PRAM1: variants seen among roughly 807,000 people sequenced by gnomAD.
The protein encoded by PRAM1 is PML-RARA regulated adaptor molecule 1, also known as PML-RARA-regulated adapter molecule 1.
Under a neutral mutation model 55.3 loss-of-function variants are expected in PRAM1, and 41 were observed. The observed-to-expected ratio is 0.74, with a 90% confidence interval of 0.58 to 0.96. The LOEUF (loss-of-function observed/expected upper bound fraction) is 0.96. Among genes scored for constraint, PRAM1 ranks in the 40% least tolerant of loss-of-function variants. The probability of loss-of-function intolerance (pLI) is 0.00; values close to 1 mark genes in which losing one functional copy is unlikely to be tolerated. For synonymous variants in PRAM1, 401 were observed against 387.1 expected (o/e 1.04, Z -0.42); for missense variants, 898 against 892.7 (o/e 1.01, Z -0.08).
At position 8,502,568 on chromosome 19, in the gene PRAM1, G is replaced by A. The variant is rs1216031449; in HGVS notation, c.24C>T (p.Ala8=). 1 of 1,530,550 alleles carries A rather than the reference G, an allele frequency of 6.5e-7. No individual in the cohort carries two copies. Among genetic ancestry groups the A allele is most frequent in the South Asian group, 1.2e-5 (1 of 83,724 alleles). 94.8% of individuals were successfully genotyped at this position (1,530,550 alleles called of 1,614,324 possible). The stretch of plus-strand genomic sequence containing the variant: ...ACAGGCCTCTTCCAGCACTCACCAT[G>A]GCTGCAGGCAGGTGATGGGCCATGG... MAHHLPA[A]MESHQDFRSI... Residue 8 remains alanine (A), a synonymous_variant, in exon 1 of 10, where the codon GCC becomes GCT. Transcript: ENST00000423345.
intron 4 of PRAM1, chr19:8,491,677 T>C (rs1410228000): frequency 1.1e-5 from 2 of 179,484 alleles, no homozygotes; most frequent in Non-Finnish European, 1.2e-5. Context: ...TTGCCTTCCA[T>C]TCCCTTAACT....
chr19:8,498,182 C>A (rs1411427142), intron 3 of PRAM1, 41 bp downstream of exon 3: 3 of 1,592,350 alleles, frequency 1.9e-6, no homozygotes, highest in South Asian at 2.3e-5. Flanking sequence ...CTCTTTGAGC[C>A]CCACAATCCG....
intron 4 of PRAM1, chr19:8,491,832 T>C (rs938030958): frequency 2.0e-5 from 3 of 153,076 alleles, no homozygotes; most frequent in Admixed American, 2.0e-4. Flanking sequence ...TCAAGCAAAC[T>C]GCCCAAGGTC....
chr19:8,491,189 G>T, intron 4 of PRAM1, 32 bp from the exon 5 acceptor site: 1 of 1,599,062 alleles, frequency 6.3e-7, no homozygotes. Flanking sequence ...AGTCAAGGCA[G>T]GGCCCGCCGG....
intron 4 of PRAM1, among the ~76,000 whole-genome samples, chr19:8,495,621 C>T (rs1010270013): frequency 6.6e-6 from 1 of 152,162 alleles, no homozygotes; most frequent in African/African-American, 2.4e-5. Context: ...GATTTAGGGA[C>T]AGGCAGGCAA....
At chr19:8,496,728 C>CA (rs1376940901) in intron 4 of PRAM1, among the ~76,000 whole-genome samples, 1 of 151,096 alleles carries the variant, frequency 6.6e-6, no homozygotes, top group Non-Finnish European at 1.5e-5. Flanking sequence ...CCATCTCAAA[C>CA]AAAAAAACGA....
intron 4 of PRAM1, among the ~76,000 whole-genome samples, chr19:8,496,561 C>G (rs1005212970): frequency 6.6e-6 from 1 of 151,686 alleles, no homozygotes; most frequent in African/African-American, 2.4e-5. Flanking sequence ...CCCATATCTA[C>G]TAAAAATACA....
intron 3 of PRAM1, 30 bp from the exon 4 acceptor site, chr19:8,497,870 CTTTTTTTTTTTT>C (rs58671333): frequency 1.3e-4 from 45 of 359,064 alleles, no homozygotes; most frequent in South Asian, 3.2e-4. Flanking sequence ...GAGGCCTCTT[CTTTTTTTTTTTT>C]TTTTTTTTTT....
chr19:8,493,497 G>T lies in PRAM1; in HGVS notation c.1577-2340C>A, dbSNP rs146609534. ...CCACATTAGAGCACCTCTTGGCACC[G>T]CCATGCAGGCAGCCCTGGTTCATCC... is the stretch of plus-strand genomic sequence containing the variant. On this transcript the variant is annotated intron_variant, in intron 4 of 9. Transcript: ENST00000423345. This position sits in a 1 kb window ranked among gnomAD's most constrained non-coding sequence, Gnocchi z 4.1. 6.6e-6 allele frequency among the ~76,000 whole-genome samples: 1 copy of T among 152,158 alleles called. No individual in the cohort carries two copies. The highest frequency in any genetic ancestry group is 1.5e-5 in the Non-Finnish European group (1 of 68,034).
intron 1 of PRAM1, among the ~76,000 whole-genome samples, chr19:8,501,346 C>T (rs1568319027): frequency 6.6e-6 from 1 of 151,710 alleles, no homozygotes; most frequent in African/African-American, 2.4e-5. Context: ...CCACCCACCT[C>T]GGCCTCCCAA....
rs757294384 is a variant in PRAM1 at position 8,491,119 on chromosome 19, G to A, written c.1615C>T (p.Pro539Ser). The change falls in exon 5 of 10, where the codon CCA (proline) becomes TCA (serine). Residue 539 changes from proline to serine, a missense_variant. Coordinates refer to ENST00000423345, the MANE Select transcript of PRAM1 (RefSeq NM_032152.5). The part of the protein sequence containing the change: ...PSVQQAARRP[P>S]QDPALRKEKD... ...TGGCACCTGAGCGCTGGGTCTTGTG[G>A]TGGCCTCCTGGCGGCTTGCTGAACT... 20 of 1,611,964 alleles carry A rather than the reference G, an allele frequency of 1.2e-5. No homozygotes were observed. Among genetic ancestry groups the A allele is most frequent in the Non-Finnish European group, 1.4e-5 (17 of 1,179,848 alleles).
rs377365919 is a variant in PRAM1, at chr19:8,499,268, G to A, written c.540C>T (p.Pro180=). ...PDELSHPARP[P]SEPKSGAFPR... is the part of the protein sequence containing the mutation. ...GGAATGCGCCGGATTTGGGTTCGGA[G>A]GGGGGTCTGGCGGGGTGACTGAGTT... Residue 180 remains proline (P), a synonymous_variant, in exon 2 of 10, where the codon CCC becomes CCT. Coordinates refer to ENST00000423345, the MANE Select transcript of PRAM1 (RefSeq NM_032152.5). The A allele has an allele frequency of 6.2e-7, 1 of 1,610,114 alleles. No individual in the cohort carries two copies. Among genetic ancestry groups the A allele is most frequent in the Non-Finnish European group, 8.5e-7 (1 of 1,177,708 alleles).
chr19:8,490,338 C>T lies in PRAM1; in HGVS notation c.1975G>A (p.Asp659Asn), dbSNP rs769853806. ...CAGCCCTCCCAGAGTGTCCACGTACCGCAGAAGTCGACATCATCGTACACC... is the reference window on the plus strand; with the variant it reads ...CAGCCCTCCCAGAGTGTCCACGTACTGCAGAAGTCGACATCATCGTACACC... ...TEVYDDVDFC[D>N]PLENQPLPLG... Residue 659 changes from aspartate (D) to asparagine (N), a missense_variant and splice_region_variant, in exon 9 of 10, where the codon GAT becomes AAT. This residue lies in a region of PRAM1 where 787 missense variants were observed against 735.4 expected (regional missense o/e 1.07). Transcript: ENST00000423345. This position sits in a 1 kb window ranked among gnomAD's most constrained non-coding sequence, Gnocchi z 7.3. 3.7e-5 allele frequency: 59 copies of T among 1,613,864 alleles called. No homozygotes were observed. Among genetic ancestry groups the T allele is most frequent in the South Asian group, 2.4e-4 (22 of 91,088 alleles).
At chr19:8,494,119 A>C (rs1971665568) in intron 4 of PRAM1, among the ~76,000 whole-genome samples, 1 of 152,100 alleles carries the variant, frequency 6.6e-6, no homozygotes. Context: ...TTTTCCTATC[A>C]GAACCTCAAA....
chr19:8,499,021 T>C lies in PRAM1; in HGVS notation c.787A>G (p.Lys263Glu). ...TTGGGAAAGGCGCTGGAGTCGCGCT[T>C]CGGCTCGCTGGACTGAGGCTTCCAG... ...PLWKPQSSEPKRDSSAFPKKA... is the reference protein window; with the variant it reads ...PLWKPQSSEPERDSSAFPKKA... Residue 263 changes from lysine to glutamate, a missense_variant, in exon 2 of 10, where the codon AAG becomes GAG. Lys to Glu is a moderately conservative substitution (Grantham distance 56). This residue lies in a region of PRAM1 where 787 missense variants were observed against 735.4 expected (regional missense o/e 1.07). Transcript: ENST00000423345. The C allele has an allele frequency of 6.2e-7, 1 of 1,613,370 alleles. No individual in the cohort carries two copies. Among genetic ancestry groups the C allele is most frequent in the Non-Finnish European group, 8.5e-7 (1 of 1,179,754 alleles).
rs969046928 is a variant in PRAM1 at position 8,493,584 on chromosome 19, A to T, written c.1577-2427T>A. On this transcript the variant is annotated intron_variant, in intron 4 of 9. Transcript: ENST00000423345. The surrounding 1 kb of genome is among the most constrained non-coding windows in gnomAD (Gnocchi z 4.1). Reference sequence around the variant, plus strand: ...CGCATGGCCAGCTCAGATCCCTGGGAAAGGCTGGGCTCTCCCCACCTGCAG... The same window carrying T: ...CGCATGGCCAGCTCAGATCCCTGGGTAAGGCTGGGCTCTCCCCACCTGCAG... Among the ~76,000 whole-genome samples the T allele has an allele frequency of 6.6e-6, 1 of 151,064 alleles. No homozygotes were observed. The highest frequency in any genetic ancestry group is 2.5e-5 in the African/African-American group (1 of 40,388).
chr19:8,491,431 C>T, intron 4 of PRAM1: 1 of 532,128 alleles, frequency 1.9e-6, no homozygotes, highest in Non-Finnish European at 3.4e-6. Flanking sequence ...ACAGGTTTCA[C>T]CATGTGGGCC....
chr19:8,491,355 T>C (rs1971627205), intron 4 of PRAM1, 198 bp from the exon 5 acceptor site: 2 of 622,950 alleles, frequency 3.2e-6, no homozygotes, highest in Admixed American at 2.6e-5. Flanking sequence ...TACCTCAGGC[T>C]CCCGAGTAGC....
intron 1 of PRAM1, among the ~76,000 whole-genome samples, chr19:8,501,098 CTTTTTT>C (rs35262115): frequency 8.5e-6 from 1 of 118,152 alleles, no homozygotes; most frequent in African/African-American, 3.7e-5. Context: ...TTCTTTCTTT[CTTTTTT>C]TTTTTTTTTT....
Sources: gnomAD v4.1 joint callset for allele counts (sites outside exome capture counted in the v4.1 genomes callset) on GRCh38, gnomAD v4.1.1 for gene constraint, gnomAD v4.1.1 regional missense constraint, Gnocchi (gnomAD v3.1) non-coding constraint, MANE v1.5 for transcripts, NCBI Gene and HGNC (gene_info 2026-07-23, HGNC 2026-07-21) for gene names.